The following TRRAP variants were observed in gnomAD, a reference collection of about 807,000 sequenced individuals.
TRRAP encodes transformation/transcription domain associated protein, also known as transformation/transcription domain-associated protein.
Under a neutral mutation model 438.8 loss-of-function variants are expected in TRRAP, and 41 were observed. The observed-to-expected ratio is 0.09, with a 90% confidence interval of 0.07 to 0.12. TRRAP has a LOEUF of 0.12. TRRAP is among the 10% of genes least tolerant of loss of function. TRRAP has a pLI of 1.00. For missense variants in TRRAP, 3,122 were observed against 5,055.1 expected, an observed-to-expected ratio of 0.62 and a Z score of 11.60; for synonymous variants, 1,994 against 1,962.9, an observed-to-expected ratio of 1.02 and a Z score of -0.42.
intron 19 of TRRAP, among the ~76,000 whole-genome samples, chr7:98,917,153 T>C (rs1562940175): frequency 6.6e-6 from 1 of 152,168 alleles, no homozygotes; most frequent in Non-Finnish European, 1.5e-5. Flanking sequence ...AATTAAAAAA[T>C]AATTTATGAT....
chr7:98,943,870 C>G (rs1554416203), intron 31 of TRRAP, among the ~76,000 whole-genome samples: 1 of 152,124 alleles, frequency 6.6e-6, no homozygotes, highest in South Asian at 2.1e-4. Flanking sequence ...TTTTTGTCCT[C>G]GTGTGCCTTT....
chr7:98,961,591 T>C (rs1440796327), intron 46 of TRRAP, 117 bp downstream of exon 46: 6 of 1,254,608 alleles, frequency 4.8e-6, no homozygotes, highest in Non-Finnish European at 2.2e-6. Context: ...CACTTTCCTT[T>C]CTACTTGCAA....
At chr7:98,990,682 T>C (rs1001115491) in intron 64 of TRRAP, 63 bp downstream of exon 64, 6 of 1,525,678 alleles carry the variant, frequency 3.9e-6, no homozygotes, top group Non-Finnish European at 5.3e-6. Context: ...TTTGCGTTCT[T>C]TTTTCTCCCA....
rs777817665 is a variant in TRRAP at position 98,994,573 on chromosome 7, C to T, written c.10048-14C>T. ...GGCTGTGTTTGTCAGTTGTCTCTGG[C>T]TCTTTTCTACCAGGTTCTCAGGCAG... On this transcript the variant is annotated splice_polypyrimidine_tract_variant and intron_variant, in intron 66 of 72. Transcript: ENST00000456197. This position sits in a 1 kb window ranked among gnomAD's most constrained non-coding sequence, Gnocchi z 4.8. The T allele has an allele frequency of 1.3e-5, 21 of 1,613,586 alleles. No homozygotes were observed. The South Asian group carries it at 2.2e-4, about 17-fold the overall frequency.
intron 3 of TRRAP, among the ~76,000 whole-genome samples, chr7:98,887,495 T>C (rs1474845854): frequency 6.6e-6 from 1 of 152,072 alleles, no homozygotes; most frequent in Non-Finnish European, 1.5e-5. Flanking sequence ...GCACAGCTCC[T>C]GGGGCCGCCT....
chr7:98,995,902 A>G lies in TRRAP; in HGVS notation c.10309+1054A>G, dbSNP rs1403238385. Among the ~76,000 whole-genome samples the G allele has an allele frequency of 5.1e-5, 7 of 137,276 alleles. No individual in the cohort carries two copies. In the East Asian group the frequency reaches 1.5e-3, roughly 29 times the overall value. The allele number at this position is 137,276 out of a possible 152,430, so 90.1% of individuals were successfully genotyped here. On this transcript the variant is annotated intron_variant, in intron 67 of 72. Coordinates refer to ENST00000456197, the MANE Select transcript of TRRAP (RefSeq NM_001375524.1). ...TCATACACACCCCTGTCCCATCTAC[A>G]CACCCGCGTCCCATCCTCGCATCCC...
chr7:98,959,936 T>TAAAAAAAAAAA (rs780800568), intron 45 of TRRAP, among the ~76,000 whole-genome samples: 2 of 112,706 alleles, frequency 1.8e-5, no homozygotes, highest in African/African-American at 7.7e-5. Flanking sequence ...CCTGGTCTCT[T>TAAAAAAAAAAA]AAAAAAAAAA....
chr7:98,917,487 T>C lies in TRRAP; in HGVS notation c.2430T>C (p.Cys810=), dbSNP rs199821503. ...TGAAGGACCTCTTTGTGGAGCTGTG[T>C]CTCACCGTCCCTGTGCGGCTGAGCT... is the stretch of plus-strand genomic sequence containing the variant. ...QHMKDLFVEL[C]LTVPVRLSSL... is the part of the protein sequence containing the mutation. The change falls in exon 20 of 73, where the codon TGT becomes TGC. Residue 810 remains cysteine (C), a synonymous_variant. Transcript: ENST00000456197. The C allele has an allele frequency of 6.2e-7, 1 of 1,614,196 alleles. No homozygotes were observed. Among genetic ancestry groups the C allele is most frequent in the Non-Finnish European group, 8.5e-7 (1 of 1,180,034 alleles).
At chr7:98,882,354 CTTTT>C (rs1279368556) in intron 3 of TRRAP, among the ~76,000 whole-genome samples, 1 of 147,774 alleles carries the variant, frequency 6.8e-6, no homozygotes, top group Non-Finnish European at 1.5e-5. Context: ...TTCTTTCTTT[CTTTT>C]CTTTCTTTTT....
intron 65 of TRRAP, among the ~76,000 whole-genome samples, chr7:98,992,571 G>A (rs1793476950): frequency 6.6e-6 from 1 of 151,340 alleles, no homozygotes; most frequent in Non-Finnish European, 1.5e-5. Context: ...GTGTGTGTGT[G>A]TGTGTGTGTG....
intron 44 of TRRAP, 95 bp from the exon 45 acceptor site, chr7:98,959,249 G>C (rs1791771530): frequency 2.2e-5 from 34 of 1,529,354 alleles, no homozygotes; most frequent in Non-Finnish European, 3.0e-5. Flanking sequence ...TGAGACAGGT[G>C]TAAGGGCCAG....
chr7:98,950,191 C>G lies in TRRAP; in HGVS notation c.5263C>G (p.Gln1755Glu), dbSNP rs781888565. The change falls in exon 38 of 73, where the codon CAG becomes GAG. Residue 1755 changes from glutamine to glutamate, a missense_variant. By Grantham distance (29) the Gln-to-Glu change is conservative. Around this residue, in one of 24 missense-constraint regions of TRRAP, gnomAD observed 272 missense variants for 348.5 expected, o/e 0.78. Transcript: ENST00000456197. ...EEIPKNYSIA[Q>E]KRALFFRFVD... ...GATTCCCAAAAATTACAGCATCGCT[C>G]AGAAACGTGCCCTGTTCTTTCGCTT... 4 of 1,614,094 alleles carry G rather than the reference C, an allele frequency of 2.5e-6. No individual in the cohort carries two copies. The highest frequency in any genetic ancestry group is 3.4e-6 in the Non-Finnish European group (4 of 1,180,054).
In TRRAP at chr7:99,012,103, C is replaced by T. The variant is rs548877968; in HGVS notation, c.11370C>T (p.Asp3790=). Residue 3790 remains aspartate (D), a synonymous_variant, in exon 73 of 73, where the codon GAC becomes GAT. Coordinates refer to ENST00000456197, the MANE Select transcript of TRRAP (RefSeq NM_001375524.1). The surrounding 1 kb of genome is among the most constrained non-coding windows in gnomAD (Gnocchi z 5.9). ...VDGILKTVLR[D]EIIAWHKKTQ... The stretch of plus-strand genomic sequence containing the variant: ...GCATTCTGAAAACGGTTCTCCGGGA[C>T]GAGATCATTGCTTGGCACAAAAAAA... 23 of 1,614,052 alleles carry T rather than the reference C, an allele frequency of 1.4e-5. No homozygotes were observed. Among genetic ancestry groups the T allele is most frequent in the African/African-American group, 4.0e-5 (3 of 75,040 alleles).
rs782451015 is a variant in TRRAP, at chr7:98,953,398, G to A, written c.5695G>A (p.Ala1899Thr). The A allele has an allele frequency of 6.2e-6, 10 of 1,612,674 alleles. No individual in the cohort carries two copies. The South Asian group carries it at 7.7e-5, about 12-fold the overall frequency. ...SGHLLLAHII[A>T]KFAIHKKIVL... is the part of the protein sequence containing the mutation. ...ACACTTGCTCCTGGCGCACATTATC[G>A]CCAAATTCGCCATACACAAGAAGAT... is the stretch of plus-strand genomic sequence containing the variant. The change falls in exon 40 of 73, where the codon GCC becomes ACC. Residue 1899 changes from alanine to threonine, a missense_variant. Physicochemically the swap from Ala to Thr is moderately conservative, Grantham distance 58. Around this residue, in one of 24 missense-constraint regions of TRRAP, gnomAD observed 22 missense variants for 28.8 expected, o/e 0.76. Coordinates refer to ENST00000456197, the MANE Select transcript of TRRAP (RefSeq NM_001375524.1).
intron 22 of TRRAP, among the ~76,000 whole-genome samples, chr7:98,925,925 A>G (rs1219283318): frequency 6.6e-6 from 1 of 152,228 alleles, no homozygotes; most frequent in Non-Finnish European, 1.5e-5. Context: ...AGCAGAATCA[A>G]TGGAAGGCAG....
chr7:98,947,479 C>T (rs140062652), intron 33 of TRRAP, among the ~76,000 whole-genome samples: 187 of 150,266 alleles, frequency 1.2e-3, no homozygotes, highest in South Asian at 0.012. Flanking sequence ...TTTTTGAGAC[C>T]GGGTCTCATT....
chr7:99,000,419 T>C (rs1584410021), intron 67 of TRRAP, among the ~76,000 whole-genome samples: 1 of 152,196 alleles, frequency 6.6e-6, no homozygotes, highest in Non-Finnish European at 1.5e-5. Context: ...ATACTACATA[T>C]ACTATGGAAA....
Position 98,937,954 on chromosome 7 carries a change from C to G in TRRAP, c.4404+134C>G, listed in dbSNP as rs535568628. Reference sequence around the variant, plus strand: ...CTTTGGGAGGCCGAGGTGGGTGGATCGCTTGCAGTTGGGAGTTCGAGACCA... The same window carrying G: ...CTTTGGGAGGCCGAGGTGGGTGGATGGCTTGCAGTTGGGAGTTCGAGACCA... On this transcript the variant is annotated intron_variant, in intron 30 of 72. Transcript: ENST00000456197. 4 of 1,001,584 alleles carry G rather than the reference C, an allele frequency of 4.0e-6. No homozygotes were observed. The African/African-American group carries it at 6.7e-5, about 17-fold the overall frequency. 62.0% of individuals were successfully genotyped at this position (1,001,584 alleles called of 1,614,324 possible). A position where few individuals can be genotyped will look rare whatever the true frequency, so the allele number is the denominator to read the frequency against.
Position 98,931,589 on chromosome 7 carries a change from A to G in TRRAP, c.3776A>G (p.Gln1259Arg), listed in dbSNP as rs1554412932. The change falls in exon 26 of 73, where the codon CAG becomes CGG. Residue 1259 changes from glutamine (Q) to arginine (R), a missense_variant. By Grantham distance (43) the Gln-to-Arg change is conservative (BLOSUM62 1). Around this residue, in one of 24 missense-constraint regions of TRRAP, gnomAD observed 153 missense variants for 223.0 expected, o/e 0.69. Coordinates refer to ENST00000456197, the MANE Select transcript of TRRAP (RefSeq NM_001375524.1). ...TCTCCAAACTCCACTGTGAGGAAGC[A>G]GGCCATGCATTCGCTGCAGGTGTTG... ...VTSPNSTVRK[Q>R]AMHSLQVLAQ... The G allele has an allele frequency of 1.2e-6, 2 of 1,614,252 alleles. No homozygotes were observed. Among genetic ancestry groups the G allele is most frequent in the South Asian group, 2.2e-5 (2 of 91,084 alleles).
Sources: allele counts gnomAD v4.1 joint callset (sites outside exome capture counted in the v4.1 genomes callset), GRCh38; gene constraint gnomAD v4.1.1; regional missense constraint gnomAD v4.1.1; non-coding constraint Gnocchi (gnomAD v3.1); transcripts MANE v1.5; gene names NCBI Gene and HGNC (gene_info 2026-07-23, HGNC 2026-07-21).